The following POU6F2 variants were observed in gnomAD, a reference collection of about 807,000 sequenced individuals.
POU6F2 encodes POU class 6 homeobox 2.
A neutral mutation model predicts 71.3 loss-of-function variants in POU6F2; 31 were observed. That is an observed-to-expected ratio of 0.43 (90% CI 0.33 to 0.59). The LOEUF is 0.59. Ranked by LOEUF, POU6F2 falls within the 20% of genes least tolerant of loss-of-function variation. The pLI is 0.04. For synonymous variants in POU6F2, 347 were observed against 355.7 expected, an observed-to-expected ratio of 0.98 and a Z score of 0.27; for missense variants, 783 against 856.8, an observed-to-expected ratio of 0.91 and a Z score of 1.07.
At chr7:39,450,959 T>C (rs1291615760) in intron 7 of POU6F2, among the ~76,000 whole-genome samples, 1 of 152,168 alleles carries the variant, frequency 6.6e-6, no homozygotes. Flanking sequence ...TGACTCCCCA[T>C]CTTCTCTCTG....
At chr7:39,205,292 T>C (rs766759651) in intron 3 of POU6F2, among the ~76,000 whole-genome samples, 18 of 152,082 alleles carry the variant, frequency 1.2e-4, no homozygotes, top group Non-Finnish European at 2.2e-4. Context: ...CTTGTAACAT[T>C]GTGTGTGTGT....
intron 1 of POU6F2, among the ~76,000 whole-genome samples, chr7:38,995,411 T>A (rs1384106516): frequency 6.6e-6 from 1 of 152,150 alleles, no homozygotes; most frequent in Non-Finnish European, 1.5e-5. Flanking sequence ...AAATGACACA[T>A]GTATACAAAT....
At position 39,155,214 on chromosome 7, in the gene POU6F2, C is replaced by T. The variant is rs144653059; in HGVS notation, c.278-49021C>T. ...GATCAACTTTTAAAAAGAAATAATT[C>T]CAAACAAATATTTCTCTTGCTATTA... On this transcript the variant is annotated intron_variant, in intron 2 of 9. Coordinates refer to ENST00000518318, the MANE Select transcript of POU6F2 (RefSeq NM_001370959.1). Among the ~76,000 whole-genome samples the T allele has an allele frequency of 2.9e-3, 429 of 148,776 alleles. 1 individual carries two copies. Among genetic ancestry groups the T allele is most frequent in the African/African-American group, 0.01 (406 of 40,214 alleles).
At chr7:39,207,133 A>G (rs954643192) in intron 3 of POU6F2, among the ~76,000 whole-genome samples, 1 of 152,248 alleles carries the variant, frequency 6.6e-6, no homozygotes, top group African/African-American at 2.4e-5. Flanking sequence ...AGAGTAGCAT[A>G]TAAACGTAAG....
At chr7:39,394,822 CG>C (rs1266872471) in intron 5 of POU6F2, among the ~76,000 whole-genome samples, 1 of 152,144 alleles carries the variant, frequency 6.6e-6, no homozygotes, top group Non-Finnish European at 1.5e-5. Context: ...AGTATGTCCA[CG>C]GCTCACTTAG....
intron 4 of POU6F2, among the ~76,000 whole-genome samples, chr7:39,249,355 T>C (rs1783875295): frequency 6.6e-6 from 1 of 152,186 alleles, no homozygotes; most frequent in African/African-American, 2.4e-5. Context: ...TCCTGAGCTC[T>C]GCAGCACCCC....
chr7:39,000,439 A>G (rs1788870375), intron 1 of POU6F2, among the ~76,000 whole-genome samples: 1 of 152,026 alleles, frequency 6.6e-6, no homozygotes, highest in Admixed American at 6.6e-5. Flanking sequence ...AGCCACTAAT[A>G]TCAGACTGCT....
chr7:39,374,966 T>G (rs1490594689), intron 5 of POU6F2, among the ~76,000 whole-genome samples: 1 of 152,180 alleles, frequency 6.6e-6, no homozygotes, highest in East Asian at 1.9e-4. Flanking sequence ...GAATGCAACA[T>G]TAGTTTTTGT....
At chr7:39,241,797 G>A (rs1023542361) in intron 4 of POU6F2, among the ~76,000 whole-genome samples, 5 of 152,062 alleles carry the variant, frequency 3.3e-5, no homozygotes, top group African/African-American at 1.2e-4. Flanking sequence ...TCAGTATACA[G>A]TTCCATGAGT....
chr7:39,013,867 G>C (rs1358556494), intron 1 of POU6F2, among the ~76,000 whole-genome samples: 1 of 152,150 alleles, frequency 6.6e-6, no homozygotes, highest in Non-Finnish European at 1.5e-5. Flanking sequence ...GTGTGCTGTA[G>C]AAACACTATT....
At chr7:39,228,250 G>T (rs1172415526) in intron 4 of POU6F2, among the ~76,000 whole-genome samples, 1 of 152,128 alleles carries the variant, frequency 6.6e-6, no homozygotes, top group Non-Finnish European at 1.5e-5. Flanking sequence ...CTTGAATTGA[G>T]ATTTCTATCC....
chr7:39,278,090 A>G (rs919064680), intron 4 of POU6F2, among the ~76,000 whole-genome samples: 3 of 14,108 alleles, frequency 2.1e-4, no homozygotes, highest in Non-Finnish European at 4.4e-4. Flanking sequence ...CGAGAAAGAG[A>G]GGGAGGGAGG....
chr7:39,370,320 A>G (rs1786583114), intron 5 of POU6F2, among the ~76,000 whole-genome samples: 1 of 152,236 alleles, frequency 6.6e-6, no homozygotes, highest in African/African-American at 2.4e-5. Flanking sequence ...AACGTGCAAC[A>G]TAAGAGAACA....
intron 4 of POU6F2, among the ~76,000 whole-genome samples, chr7:39,278,652 A>G (rs1458923877): frequency 1.3e-5 from 2 of 152,126 alleles, no homozygotes; most frequent in Non-Finnish European, 2.9e-5. Context: ...CCTTTCTGAC[A>G]GCTGAGAAGT....
chr7:39,421,868 T>C (rs1251688697), intron 6 of POU6F2, among the ~76,000 whole-genome samples: 1 of 152,200 alleles, frequency 6.6e-6, no homozygotes, highest in East Asian at 1.9e-4. Flanking sequence ...TAAATAACTT[T>C]AATCTGATTT....
At chr7:39,016,009 A>G (rs373192151) in intron 1 of POU6F2, among the ~76,000 whole-genome samples, 10,505 of 65,480 alleles carry the variant, frequency 0.16, 2,543 homozygotes, top group South Asian at 0.32. Flanking sequence ...GATATATATT[A>G]TATATTATAT....
chr7:39,305,871 A>G (rs902225837), intron 4 of POU6F2, among the ~76,000 whole-genome samples: 1 of 152,240 alleles, frequency 6.6e-6, no homozygotes, highest in Admixed American at 6.5e-5. Context: ...AAAGAAAAAG[A>G]GAAATGAACT....
At chr7:39,243,085 T>C (rs1783755582) in intron 4 of POU6F2, among the ~76,000 whole-genome samples, 1 of 152,190 alleles carries the variant, frequency 6.6e-6, no homozygotes, top group South Asian at 2.1e-4. Flanking sequence ...TATTTCATAG[T>C]TCTGTTTCTT....
At chr7:39,148,472 G>A (rs1044321968) in intron 2 of POU6F2, among the ~76,000 whole-genome samples, 2 of 152,016 alleles carry the variant, frequency 1.3e-5, no homozygotes, top group African/African-American at 4.8e-5. Context: ...CACTGATTTT[G>A]GATATCCTCC....
Sources: gnomAD v4.1 joint callset for allele counts (sites outside exome capture counted in the v4.1 genomes callset) on GRCh38, gnomAD v4.1.1 for gene constraint, MANE v1.5 for transcripts, NCBI Gene and HGNC (gene_info 2026-07-23, HGNC 2026-07-21) for gene names.